Variants in GLT1D1 observed in about 807,000 individuals in gnomAD.
GLT1D1 encodes glycosyltransferase 1 domain containing 1, also known as glycosyltransferase 1 domain-containing protein 1.
In GLT1D1, 21 loss-of-function variants were observed where a neutral mutation model predicts 28.7. That is an observed-to-expected ratio of 0.73 (90% CI 0.52 to 1.05). GLT1D1 has a LOEUF of 1.05. Ranked by LOEUF, GLT1D1 falls within the 50% of genes least tolerant of loss-of-function variation. The pLI, the probability that GLT1D1 is intolerant of heterozygous loss-of-function variation, is 0.00. For synonymous variants in GLT1D1, 147 were observed against 124.8 expected (o/e 1.18, Z -1.19); for missense variants, 343 against 330.6 (o/e 1.04, Z -0.29).
chr12:128,883,710 C>T (rs571869461), intron 2 of GLT1D1, among the ~76,000 whole-genome samples: 2 of 152,098 alleles, frequency 1.3e-5, no homozygotes, highest in East Asian at 3.9e-4. Flanking sequence ...AGGAATAAGA[C>T]CCTTACGTGG....
chr12:128,926,470 A>C lies in GLT1D1; in HGVS notation c.376-18856A>C. On this transcript the variant is annotated intron_variant, in intron 4 of 7. Transcript: ENST00000281703. ...GCATTTTCAGGTGTGTTTGCTGGCT[A>C]CCTTCCTCCACTGTTTATAGAATTC... 1.5e-6 allele frequency: 2 copies of C among 1,295,188 alleles called. No individual in the cohort carries two copies. Among genetic ancestry groups the C allele is most frequent in the Non-Finnish European group, 2.2e-6 (2 of 928,596 alleles). The allele number at this position is 1,295,188 out of a possible 1,614,324, so 80.2% of individuals were successfully genotyped here.
intron 4 of GLT1D1, among the ~76,000 whole-genome samples, chr12:128,904,052 C>T (rs1870584634): frequency 2.6e-5 from 4 of 151,740 alleles, no homozygotes; most frequent in Admixed American, 2.0e-4. Flanking sequence ...AAGAAATTTT[C>T]AGGCATGTGT....
intron 4 of GLT1D1, among the ~76,000 whole-genome samples, chr12:128,937,121 A>G (rs1874642924): frequency 6.6e-6 from 1 of 152,242 alleles, no homozygotes; most frequent in Non-Finnish European, 1.5e-5. Flanking sequence ...TAATAAAATT[A>G]AAAGTAAGAG....
intron 7 of GLT1D1, among the ~76,000 whole-genome samples, chr12:128,974,477 C>T (rs1263735776): frequency 6.6e-6 from 1 of 152,180 alleles, no homozygotes; most frequent in African/African-American, 2.4e-5. Context: ...ACTGTTTTCC[C>T]TCCTCAAATA....
At chr12:128,856,639 G>T (rs1238304142) in intron 1 of GLT1D1, among the ~76,000 whole-genome samples, 1 of 152,104 alleles carries the variant, frequency 6.6e-6, no homozygotes, top group Non-Finnish European at 1.5e-5. Context: ...AGGCAGCCAG[G>T]GTCACTGGAC....
intron 7 of GLT1D1, among the ~76,000 whole-genome samples, chr12:128,977,711 G>C (rs1006599298): frequency 6.6e-6 from 1 of 151,690 alleles, no homozygotes; most frequent in African/African-American, 2.4e-5. Context: ...TCTGTACTTG[G>C]TTTTGCTTTG....
In GLT1D1 at chr12:128,900,244, G is replaced by A. The variant is rs1411659046; in HGVS notation, c.375+957G>A. Among the ~76,000 whole-genome samples the A allele has an allele frequency of 3.9e-5, 6 of 152,242 alleles. No individual in the cohort carries two copies. The East Asian group carries it at 9.6e-4, about 24-fold the overall frequency. On this transcript the variant is annotated intron_variant, in intron 4 of 7. Transcript: ENST00000281703. ...GAGCCTGCTCCACCAGCGTTCATCC[G>A]CTGTGCACAATGTGCATGCCCTGAT... is the stretch of plus-strand genomic sequence containing the variant.
At chr12:128,912,402 C>G in intron 4 of GLT1D1, 22 bp from the exon 5 acceptor site, 1 of 1,506,838 alleles carries the variant, frequency 6.6e-7, no homozygotes, top group Non-Finnish European at 8.9e-7. Flanking sequence ...CTTTTCTTTT[C>G]TCTCTCCCCT....
At chr12:128,863,320 G>T (rs994389115) in intron 1 of GLT1D1, among the ~76,000 whole-genome samples, 1 of 152,164 alleles carries the variant, frequency 6.6e-6, no homozygotes, top group Non-Finnish European at 1.5e-5. Flanking sequence ...AGGCAGGCCC[G>T]CTCTGGAATG....
intron 2 of GLT1D1, among the ~76,000 whole-genome samples, chr12:128,876,605 G>A (rs930373391): frequency 9.2e-5 from 14 of 151,996 alleles, no homozygotes; most frequent in African/African-American, 3.1e-4. Context: ...CATGAGCCTG[G>A]CCCTGAATTT....
chr12:128,891,589 G>A (rs535872232), intron 3 of GLT1D1, among the ~76,000 whole-genome samples: 1 of 152,228 alleles, frequency 6.6e-6, no homozygotes, highest in African/African-American at 2.4e-5. Context: ...CAGGGAATTT[G>A]GGACACTTCA....
At position 128,936,609 on chromosome 12, in the gene GLT1D1, G is replaced by T. The variant is rs139286157; in HGVS notation, c.376-8717G>T. Among the ~76,000 whole-genome samples the T allele has an allele frequency of 8.1e-3, 1,238 of 152,288 alleles. 21 individuals carry two copies. The highest frequency in any genetic ancestry group is 0.028 in the African/African-American group (1,183 of 41,536). The stretch of plus-strand genomic sequence containing the variant: ...TCAACGAAGCATATGGTCTCTGCTT[G>T]CAGGCGATCATATGTGGGTGCATTT... On this transcript the variant is annotated intron_variant, in intron 4 of 7. Coordinates refer to ENST00000281703, the MANE Select transcript of GLT1D1 (RefSeq NM_144669.3).
At chr12:128,938,032 T>C (rs1177064667) in intron 4 of GLT1D1, among the ~76,000 whole-genome samples, 1 of 152,220 alleles carries the variant, frequency 6.6e-6, no homozygotes, top group East Asian at 1.9e-4. Flanking sequence ...TTATGAACTA[T>C]ATCTGAGGAA....
chr12:128,946,741 C>T (rs549754107), intron 5 of GLT1D1, among the ~76,000 whole-genome samples: 9 of 141,262 alleles, frequency 6.4e-5, no homozygotes, highest in African/African-American at 5.3e-5. Context: ...CTCCGCCTCC[C>T]GGGTTCGAGC....
At chr12:128,894,090 C>T (rs1417528401) in intron 3 of GLT1D1, among the ~76,000 whole-genome samples, 3 of 152,196 alleles carry the variant, frequency 2.0e-5, no homozygotes, top group Non-Finnish European at 4.4e-5. Flanking sequence ...GAGAGCTTCT[C>T]ATAACTGAGG....
intron 4 of GLT1D1, 127 bp from the exon 6 acceptor site, chr12:128,914,806 C>T (rs960900423): frequency 5.8e-6 from 4 of 691,050 alleles, no homozygotes; most frequent in South Asian, 3.8e-5. Context: ...GGTGACAGAG[C>T]GAGACTCTGT....
At chr12:128,946,300 G>A (rs1399861714) in intron 5 of GLT1D1, among the ~76,000 whole-genome samples, 1 of 152,192 alleles carries the variant, frequency 6.6e-6, no homozygotes, top group Non-Finnish European at 1.5e-5. Context: ...GCTGGGAACA[G>A]GGCTTTTGTG....
At chr12:128,871,319 A>G (rs10083114) in intron 1 of GLT1D1, among the ~76,000 whole-genome samples, 4,400 of 152,184 alleles carry the variant, frequency 0.029, 206 homozygotes, top group African/African-American at 0.099. Flanking sequence ...ATCTTTCCTG[A>G]TCCTGCTGGT....
At chr12:128,869,570 T>A (rs907342422) in intron 1 of GLT1D1, among the ~76,000 whole-genome samples, 1 of 152,078 alleles carries the variant, frequency 6.6e-6, no homozygotes, top group Non-Finnish European at 1.5e-5. Flanking sequence ...TGTGTATACA[T>A]ATAATTTATA....
Sources: allele counts gnomAD v4.1 joint callset (sites outside exome capture counted in the v4.1 genomes callset), GRCh38; gene constraint gnomAD v4.1.1; transcripts MANE v1.5; gene names NCBI Gene and HGNC (gene_info 2026-07-23, HGNC 2026-07-21).